Variants in ABCA4 observed in about 807,000 individuals in gnomAD.
ABCA4 encodes the protein ATP binding cassette subfamily A member 4.
In ABCA4, 196 loss-of-function variants were observed where a neutral mutation model predicts 263.7. The ratio of observed to expected loss-of-function variants is 0.74; its 90% CI spans 0.66 to 0.84. The LOEUF is 0.84. Among genes scored for constraint, ABCA4 ranks in the 40% least tolerant of loss-of-function variants. The pLI is 0.00. For synonymous variants in ABCA4, 1,133 were observed against 1,094.2 expected (o/e 1.04, Z -0.70); for missense variants, 2,792 against 2,855.1 (o/e 0.98, Z 0.50).
chr1:94,091,072 T>C (rs577147044), intron 6 of ABCA4, among the ~76,000 whole-genome samples: 14 of 151,644 alleles, frequency 9.2e-5, no homozygotes, highest in African/African-American at 3.1e-4. Context: ...CAAGAAAGAG[T>C]GACTAGAGAG....
At chr1:94,078,993 A>G (rs892141782) in intron 9 of ABCA4, among the ~76,000 whole-genome samples, 4 of 152,088 alleles carry the variant, frequency 2.6e-5, no homozygotes, top group Admixed American at 2.6e-4. Flanking sequence ...CCCCTGGGAG[A>G]AAATACCCTT....
intron 7 of ABCA4, among the ~76,000 whole-genome samples, chr1:94,081,481 T>C (rs1411450020): frequency 5.3e-5 from 8 of 152,180 alleles, no homozygotes; most frequent in Admixed American, 5.2e-4. Context: ...CAAATTTCTT[T>C]GGCTAAATAG....
In ABCA4 at chr1:94,079,942, C is replaced by T. The variant is rs111526247; in HGVS notation, c.1100-481G>A. On this transcript the variant is annotated intron_variant, in intron 8 of 49. Transcript: ENST00000370225. ...TCTTTTCAGTTTTTAACTAGAGGGG[C>T]AGCCAGTTACATTTCTTCCCCACCC... Among the ~76,000 whole-genome samples the T allele has an allele frequency of 7.9e-5, 12 of 151,622 alleles. 1 individual carries two copies. Among genetic ancestry groups the T allele is most frequent in the African/African-American group, 2.9e-4 (12 of 41,322 alleles).
Position 94,021,233 on chromosome 1 carries a change from G to A in ABCA4, c.5018+7C>T, listed in dbSNP as rs1339604768. On this transcript the variant is annotated splice_region_variant and intron_variant, in intron 35 of 49. Transcript: ENST00000370225. ...AAAGTGGTGAGGCTGGGGCTGTGGT[G>A]GCTTACACTGTAATCTCTGAGAGCT... The A allele has an allele frequency of 3.7e-6, 6 of 1,614,178 alleles. No individual in the cohort carries two copies. Among genetic ancestry groups the A allele is most frequent in the East Asian group, 4.5e-5 (2 of 44,884 alleles).
chr1:94,107,058 C>T (rs56194707), intron 4 of ABCA4, among the ~76,000 whole-genome samples: 41,931 of 152,072 alleles, frequency 0.28, 6,337 homozygotes, highest in African/African-American at 0.4. Context: ...GGAAGGTGCC[C>T]CCGGGGCTGA....
chr1:94,099,119 A>T (rs1270582567), intron 5 of ABCA4, 128 bp from the exon 6 acceptor site: 1 of 1,063,082 alleles, frequency 9.4e-7, no homozygotes, highest in African/African-American at 1.6e-5. Context: ...ATGGGATTAA[A>T]GCCACTGATT....
chr1:94,015,649 AC>A (rs763884629), intron 37 of ABCA4, 89 bp downstream of exon 37: 95 of 1,094,630 alleles, frequency 8.7e-5, no homozygotes, highest in Non-Finnish European at 1.3e-4. Context: ...CCACCACAGG[AC>A]AGCCCAGGTT....
At chr1:94,021,815 T>A (rs760487105) in intron 33 of ABCA4, 31 bp downstream of exon 33, 67 of 1,611,980 alleles carry the variant, frequency 4.2e-5, no homozygotes, top group Non-Finnish European at 5.6e-5. Flanking sequence ...AAGTCAAAAA[T>A]CCTACTCAAA....
At chr1:94,080,117 G>A (rs367761441) in intron 8 of ABCA4, among the ~76,000 whole-genome samples, 7 of 152,162 alleles carry the variant, frequency 4.6e-5, no homozygotes, top group African/African-American at 1.4e-4. Context: ...TCCCACAGCC[G>A]TGTTTACTTG....
chr1:94,108,785 TA>T, intron 3 of ABCA4, 69 bp from the exon 4 acceptor site: 2 of 1,550,360 alleles, frequency 1.3e-6, no homozygotes, highest in African/African-American at 1.5e-5. Flanking sequence ...TATCTCATGC[TA>T]TTTTTTTTTT....
intron 1 of ABCA4, among the ~76,000 whole-genome samples, chr1:94,115,819 A>G (rs1028331883): frequency 1.4e-4 from 22 of 152,206 alleles, no homozygotes; most frequent in African/African-American, 5.3e-4. Context: ...GCAACCTTGT[A>G]GGCCTGCCCT....
At chr1:94,109,452 C>T (rs1044555575) in intron 3 of ABCA4, among the ~76,000 whole-genome samples, 8 of 152,214 alleles carry the variant, frequency 5.3e-5, no homozygotes, top group South Asian at 2.1e-4. Flanking sequence ...TGCACATGCA[C>T]GCCTCTGCCA....
At chr1:94,005,622 G>C in intron 43 of ABCA4, 40 bp from the exon 44 acceptor site, 1 of 1,603,014 alleles carries the variant, frequency 6.2e-7, no homozygotes, top group Non-Finnish European at 8.5e-7. Flanking sequence ...CCTTCAAGGA[G>C]TGGAGGGATG....
intron 3 of ABCA4, among the ~76,000 whole-genome samples, 157 bp from the exon 4 acceptor site, chr1:94,108,873 C>T (rs1035468687): frequency 2.6e-5 from 4 of 152,030 alleles, no homozygotes; most frequent in East Asian, 1.9e-4. Context: ...CCCGGGTTCA[C>T]GCTATTCTCC....
chr1:94,031,289 G>A (rs1052439774), intron 27 of ABCA4, among the ~76,000 whole-genome samples, 169 bp from the exon 28 acceptor site: 19 of 152,216 alleles, frequency 1.2e-4, no homozygotes, highest in African/African-American at 4.1e-4. Context: ...GTGTGCAAAG[G>A]TAAGATGTGC....
chr1:94,021,479 G>A (rs1659896024), intron 34 of ABCA4, 70 bp from the exon 35 acceptor site: 8 of 1,601,842 alleles, frequency 5.0e-6, no homozygotes, highest in African/African-American at 1.3e-5. Context: ...GTGAAGGAAA[G>A]GAAATTTGAG....
intron 11 of ABCA4, among the ~76,000 whole-genome samples, chr1:94,072,491 C>CA (rs2101092502): frequency 6.6e-6 from 1 of 152,074 alleles, no homozygotes; most frequent in Non-Finnish European, 1.5e-5. Context: ...TTTTGCTAAA[C>CA]AAAAAATCCA....
chr1:94,092,811 G>A (rs1315562223), intron 6 of ABCA4, among the ~76,000 whole-genome samples: 1 of 152,200 alleles, frequency 6.6e-6, no homozygotes, highest in African/African-American at 2.4e-5. Context: ...CCTAGTCTGG[G>A]GGGGTCTGAA....
chr1:94,051,607 TAAGATTTGTGTTTTA>T lies in ABCA4; in HGVS notation c.2653+11_2653+25del. The T allele has an allele frequency of 6.3e-7, 1 of 1,592,818 alleles. No individual in the cohort carries two copies. The highest frequency in any genetic ancestry group is 8.6e-7 in the Non-Finnish European group (1 of 1,160,698). On this transcript the variant is annotated intron_variant, in intron 17 of 49. Transcript: ENST00000370225. Reference sequence around the variant, plus strand: ...AGCCCAAGGAGTTGATTTCAAACATTAAGATTTGTGTTTTAAAGGACTCACCTTCACCGCCAAGCC... The same window carrying T: ...AGCCCAAGGAGTTGATTTCAAACATTAAGGACTCACCTTCACCGCCAAGCC...
Sources: allele counts gnomAD v4.1 joint callset (sites outside exome capture counted in the v4.1 genomes callset), GRCh38; gene constraint gnomAD v4.1.1; transcripts MANE v1.5; gene names NCBI Gene and HGNC (gene_info 2026-07-23, HGNC 2026-07-21).